The following PMEPA1 variants were observed in gnomAD, a reference collection of about 807,000 sequenced individuals.
PMEPA1 encodes the protein prostate transmembrane protein, androgen induced 1, also known as protein TMEPAI.
A neutral mutation model predicts 23.0 loss-of-function variants in PMEPA1; 11 were observed. That is an observed-to-expected ratio of 0.48 (90% CI 0.30 to 0.79). The LOEUF (loss-of-function observed/expected upper bound fraction) is 0.79. Ranked by LOEUF, PMEPA1 falls within the 30% of genes least tolerant of loss-of-function variation. The probability of loss-of-function intolerance (pLI) is 0.06; values close to 1 mark genes in which losing one functional copy is unlikely to be tolerated. For missense variants in PMEPA1, 377 were observed against 390.9 expected (o/e 0.96, Z 0.30); for synonymous variants, 204 against 166.4 (o/e 1.23, Z -1.74).
chr20:57,699,926 G>A (rs529290437), intron 1 of PMEPA1: 48 of 426,962 alleles, frequency 1.1e-4, no homozygotes, highest in African/African-American at 7.5e-4. Flanking sequence ...CACATGTTTC[G>A]ACAGTCCGCG....
chr20:57,694,983 G>A (rs1487489529), intron 1 of PMEPA1, among the ~76,000 whole-genome samples: 1 of 152,242 alleles, frequency 6.6e-6, no homozygotes, highest in African/African-American at 2.4e-5. Context: ...GAGTCAAGGG[G>A]AGAGGGACCA....
intron 2 of PMEPA1, among the ~76,000 whole-genome samples, chr20:57,657,651 T>C (rs559974326): frequency 3.5e-4 from 53 of 152,294 alleles, no homozygotes; most frequent in African/African-American, 1.2e-3. Context: ...CCAGGGCTGA[T>C]GCTCCTTGCC....
intron 1 of PMEPA1, among the ~76,000 whole-genome samples, chr20:57,693,953 G>C (rs1389946384): frequency 6.6e-6 from 1 of 152,200 alleles, no homozygotes; most frequent in Non-Finnish European, 1.5e-5. Flanking sequence ...CACCAGCTGG[G>C]AGCATCTCTG....
At chr20:57,654,921 G>T (rs1426200919) in intron 2 of PMEPA1, among the ~76,000 whole-genome samples, 1 of 152,032 alleles carries the variant, frequency 6.6e-6, no homozygotes, top group East Asian at 1.9e-4. Context: ...CCTCACAGAA[G>T]TGGGAACATC....
intron 1 of PMEPA1, among the ~76,000 whole-genome samples, chr20:57,679,041 T>C (rs1243451987): frequency 6.6e-6 from 1 of 152,194 alleles, no homozygotes; most frequent in Non-Finnish European, 1.5e-5. Flanking sequence ...ACGAGTGTTT[T>C]TGAAGAAGAG....
intron 1 of PMEPA1, among the ~76,000 whole-genome samples, chr20:57,687,050 T>C (rs1287822031): frequency 6.6e-6 from 1 of 152,278 alleles, no homozygotes; most frequent in East Asian, 1.9e-4. Flanking sequence ...TTTAAACGAC[T>C]GTTCCTAATC....
intron 1 of PMEPA1, among the ~76,000 whole-genome samples, chr20:57,666,403 C>T (rs768681351): frequency 9.2e-5 from 14 of 152,102 alleles, no homozygotes; most frequent in African/African-American, 3.4e-4. Context: ...CTGTGAGGTC[C>T]GTACTTATGG....
chr20:57,703,525 C>G (rs894236643), intron 1 of PMEPA1, among the ~76,000 whole-genome samples: 18 of 152,196 alleles, frequency 1.2e-4, no homozygotes, highest in African/African-American at 4.3e-4. Context: ...TTAAGGGAAC[C>G]CTGCTGGCAG....
At chr20:57,693,853 T>C (rs189274701) in intron 1 of PMEPA1, among the ~76,000 whole-genome samples, 1 of 152,296 alleles carries the variant, frequency 6.6e-6, no homozygotes, top group East Asian at 1.9e-4. Context: ...GAGGAGGTGT[T>C]GGGTGGTGAC....
intron 1 of PMEPA1, among the ~76,000 whole-genome samples, chr20:57,705,313 T>C (rs983609213): frequency 6.6e-6 from 1 of 152,240 alleles, no homozygotes; most frequent in Non-Finnish European, 1.5e-5. Context: ...AGGCCAACTG[T>C]CTGACCTAAG....
chr20:57,670,871 TCCTGAGCAACACAGAGAA>T (rs1170700552), intron 1 of PMEPA1, among the ~76,000 whole-genome samples: 1 of 152,018 alleles, frequency 6.6e-6, no homozygotes, highest in Non-Finnish European at 1.5e-5. Flanking sequence ...CTTTGGGAGT[TCCTGAGCAACACAGAGAA>T]ACACGTTCTT....
At chr20:57,695,276 G>A (rs1160244888) in intron 1 of PMEPA1, among the ~76,000 whole-genome samples, 1 of 152,268 alleles carries the variant, frequency 6.6e-6, no homozygotes, top group African/African-American at 2.4e-5. Flanking sequence ...AGCGGCTGAT[G>A]GGCCAACCCA....
At chr20:57,670,803 G>C (rs954750273) in intron 1 of PMEPA1, among the ~76,000 whole-genome samples, 1 of 152,188 alleles carries the variant, frequency 6.6e-6, no homozygotes, top group Non-Finnish European at 1.5e-5. Flanking sequence ...GGTTAGGGGC[G>C]GGCTGCCTTT....
At chr20:57,685,666 G>A (rs1409822935) in intron 1 of PMEPA1, among the ~76,000 whole-genome samples, 1 of 152,096 alleles carries the variant, frequency 6.6e-6, no homozygotes, top group Non-Finnish European at 1.5e-5. Flanking sequence ...CTGCCCTCCA[G>A]GTCGCTCTTA....
intron 1 of PMEPA1, among the ~76,000 whole-genome samples, chr20:57,693,786 G>C (rs765559270): frequency 2.0e-5 from 3 of 152,118 alleles, no homozygotes; most frequent in Non-Finnish European, 4.4e-5. Context: ...ACACAGCTGC[G>C]ACCTGGGGCA....
At chr20:57,654,355 C>T (rs6025704) in intron 2 of PMEPA1, among the ~76,000 whole-genome samples, 1 of 152,230 alleles carries the variant, frequency 6.6e-6, no homozygotes, top group Admixed American at 6.5e-5. Context: ...TCACCTCAAA[C>T]GTTCCCTTGG....
chr20:57,706,631 G>C (rs1251740021), intron 1 of PMEPA1, among the ~76,000 whole-genome samples: 2 of 152,272 alleles, frequency 1.3e-5, no homozygotes, highest in African/African-American at 4.8e-5. Context: ...GGCGTACAAA[G>C]GGGCTCTGAC....
At chr20:57,710,058 CG>C (rs1375992493), upstream of PMEPA1, 2 of 996,810 alleles carry the variant, frequency 2.0e-6, no homozygotes, top group Non-Finnish European at 2.4e-6. Context: ...GCGCGGGGGC[CG>C]GGGAGGGGGC....
In PMEPA1 at chr20:57,651,142, A is replaced by G. The variant is rs999362303; in HGVS notation, c.*911T>C. On this transcript the variant is annotated 3_prime_UTR_variant, in exon 4 of 4. Coordinates refer to ENST00000341744, the MANE Select transcript of PMEPA1 (RefSeq NM_020182.5). The stretch of plus-strand genomic sequence containing the variant: ...CGGTGCCTCCGTGGTTAACTTTCCT[A>G]TTTTGCTTGTGATTTAAAGGCTGTT... The G allele has an allele frequency of 6.6e-6, 1 of 152,232 alleles. No individual in the cohort carries two copies. The highest frequency in any genetic ancestry group is 6.5e-5 in the Admixed American group (1 of 15,284). The allele number at this position is 152,232 out of a possible 1,614,324, so 9.4% of individuals were successfully genotyped here.
Sources: allele counts gnomAD v4.1 joint callset (sites outside exome capture counted in the v4.1 genomes callset), GRCh38; gene constraint gnomAD v4.1.1; transcripts MANE v1.5; gene names NCBI Gene and HGNC (gene_info 2026-07-23, HGNC 2026-07-21).